The following EPHA7 variants were observed in gnomAD, a reference collection of about 807,000 sequenced individuals.
The protein encoded by EPHA7 is ephrin type-A receptor 7.
Under a neutral mutation model 112.6 loss-of-function variants are expected in EPHA7, and 25 were observed. That is an observed-to-expected ratio of 0.22 (90% CI 0.16 to 0.31). The LOEUF is 0.31. EPHA7 is among the 10% of genes least tolerant of loss of function. EPHA7 has a pLI of 1.00. For synonymous variants in EPHA7, 437 were observed against 406.5 expected, an observed-to-expected ratio of 1.07 and a Z score of -0.90; for missense variants, 962 against 1,212.6, an observed-to-expected ratio of 0.79 and a Z score of 3.07.
chr6:93,417,354 C>A (rs1375961832), intron 1 of EPHA7, among the ~76,000 whole-genome samples: 1 of 152,146 alleles, frequency 6.6e-6, no homozygotes. Context: ...GTCGCCGCTG[C>A]GCCCTAGAGG....
Position 93,246,686 on chromosome 6 carries a change from C to T in EPHA7, c.2726+106G>A, listed in dbSNP as rs1381323511. 11 of 946,816 alleles carry T rather than the reference C, an allele frequency of 1.2e-5. No homozygotes were observed. The East Asian group carries it at 1.2e-4, about 10-fold the overall frequency. The allele number at this position is 946,816 out of a possible 1,614,324, so 58.7% of individuals were successfully genotyped here. On this transcript the variant is annotated intron_variant, in intron 15 of 16. Transcript: ENST00000369303. ...GCAATACATTTAATATGAGTTTATA[C>T]GTCAACACAAAAGTCAATTTGCCAT... is the stretch of plus-strand genomic sequence containing the variant.
intron 3 of EPHA7, among the ~76,000 whole-genome samples, chr6:93,407,716 G>T (rs879796156): frequency 9.2e-5 from 14 of 151,914 alleles, no homozygotes; most frequent in Admixed American, 6.6e-5. Flanking sequence ...TAATGAAGAT[G>T]ACAGTGGAGT....
At chr6:93,327,669 C>T (rs1291250719) in intron 5 of EPHA7, among the ~76,000 whole-genome samples, 1 of 151,436 alleles carries the variant, frequency 6.6e-6, no homozygotes, top group Non-Finnish European at 1.5e-5. Context: ...TCATATTCCA[C>T]ATTCAGTGTG....
At chr6:93,318,684 A>T (rs1318569281) in intron 5 of EPHA7, among the ~76,000 whole-genome samples, 1 of 152,042 alleles carries the variant, frequency 6.6e-6, no homozygotes, top group African/African-American at 2.4e-5. Context: ...TGGCAATGAT[A>T]CCATAATGAG....
intron 3 of EPHA7, among the ~76,000 whole-genome samples, chr6:93,381,836 C>A (rs889498955): frequency 6.6e-6 from 1 of 151,932 alleles, no homozygotes; most frequent in East Asian, 1.9e-4. Context: ...CACAGCCATA[C>A]TTAAGTCATC....
chr6:93,315,955 T>C (rs1773787735), intron 5 of EPHA7, among the ~76,000 whole-genome samples: 2 of 152,178 alleles, frequency 1.3e-5, no homozygotes, highest in South Asian at 4.1e-4. Flanking sequence ...TGGAAAAAAG[T>C]TGATTTCATT....
At chr6:93,417,992 A>G (rs1490258216) in intron 1 of EPHA7, among the ~76,000 whole-genome samples, 1 of 152,104 alleles carries the variant, frequency 6.6e-6, no homozygotes, top group Non-Finnish European at 1.5e-5. Context: ...AAATAGATGA[A>G]TCAAGGACCT....
chr6:93,306,968 G>C (rs144463583), intron 5 of EPHA7, among the ~76,000 whole-genome samples: 2 of 151,586 alleles, frequency 1.3e-5, no homozygotes, highest in African/African-American at 4.8e-5. Flanking sequence ...AATATCATAG[G>C]GGATTGACAC....
chr6:93,359,035 A>T (rs550013157), intron 3 of EPHA7, among the ~76,000 whole-genome samples: 21 of 152,286 alleles, frequency 1.4e-4, no homozygotes, highest in African/African-American at 4.8e-4. Flanking sequence ...GTTACTAAAA[A>T]TAATGAAATC....
chr6:93,382,857 A>AC (rs1193262158), intron 3 of EPHA7, among the ~76,000 whole-genome samples: 2 of 152,184 alleles, frequency 1.3e-5, no homozygotes. Context: ...AAAAGGTATC[A>AC]CTACCATCAC....
intron 5 of EPHA7, among the ~76,000 whole-genome samples, chr6:93,315,576 C>G (rs1371673904): frequency 6.6e-6 from 1 of 152,094 alleles, no homozygotes; most frequent in South Asian, 2.1e-4. Context: ...AACCAATGGT[C>G]AAGTCTATTT....
intron 5 of EPHA7, among the ~76,000 whole-genome samples, chr6:93,277,354 C>G (rs1267317122): frequency 6.6e-6 from 1 of 152,010 alleles, no homozygotes; most frequent in African/African-American, 2.4e-5. Context: ...TCATGTAACA[C>G]AGCAATTCTA....
chr6:93,326,128 C>T (rs537891634), intron 5 of EPHA7, among the ~76,000 whole-genome samples: 17 of 151,380 alleles, frequency 1.1e-4, no homozygotes, highest in African/African-American at 4.1e-4. Context: ...CATAAGAACG[C>T]TAAAGAATTA....
At chr6:93,295,363 C>T (rs79327248) in intron 5 of EPHA7, among the ~76,000 whole-genome samples, 3,631 of 151,636 alleles carry the variant, frequency 0.024, 58 homozygotes, top group African/African-American at 0.034. Flanking sequence ...TCATTGCTCT[C>T]CATTTTGGTA....
chr6:93,337,393 C>T (rs75120625), intron 5 of EPHA7, among the ~76,000 whole-genome samples: 2,901 of 152,120 alleles, frequency 0.019, 83 homozygotes, highest in African/African-American at 0.066. Flanking sequence ...GAAATGAGAC[C>T]TAATTTTCTG....
intron 13 of EPHA7, among the ~76,000 whole-genome samples, chr6:93,255,270 C>T (rs992405857): frequency 6.6e-6 from 1 of 152,032 alleles, no homozygotes; most frequent in African/African-American, 2.4e-5. Flanking sequence ...ATTGCTTGAA[C>T]CCGGGAGGCG....
intron 5 of EPHA7, among the ~76,000 whole-genome samples, chr6:93,356,328 C>A (rs987507206): frequency 2.0e-5 from 3 of 152,016 alleles, no homozygotes; most frequent in Admixed American, 2.0e-4. Context: ...CTGCCTCAGC[C>A]TCTCAAGTAA....
intron 5 of EPHA7, among the ~76,000 whole-genome samples, chr6:93,332,156 G>A (rs1168762825): frequency 1.3e-5 from 2 of 151,606 alleles, no homozygotes; most frequent in Non-Finnish European, 3.0e-5. Context: ...TTACAGTGAA[G>A]CTCAATTGCT....
chr6:93,387,924 C>CAGACAGACAGACAGATAGAT (rs1310430859), intron 3 of EPHA7, among the ~76,000 whole-genome samples: 8 of 145,566 alleles, frequency 5.5e-5, no homozygotes, highest in South Asian at 2.3e-4. Context: ...GATAGATAGA[C>CAGACAGACAGACAGATAGAT]AGATAGATAG....
Sources: gnomAD v4.1 joint callset for allele counts (sites outside exome capture counted in the v4.1 genomes callset) on GRCh38, gnomAD v4.1.1 for gene constraint, MANE v1.5 for transcripts, NCBI Gene and HGNC (gene_info 2026-07-23, HGNC 2026-07-21) for gene names.